CNTN5: variants seen among roughly 807,000 people sequenced by gnomAD.
CNTN5 encodes contactin-5.
In CNTN5, 77 loss-of-function variants were observed where a neutral mutation model predicts 129.1. That is an observed-to-expected ratio of 0.60 (90% CI 0.50 to 0.72). CNTN5 has a LOEUF of 0.72. CNTN5 is among the 30% of genes least tolerant of loss of function. The pLI, the probability that CNTN5 is intolerant of heterozygous loss-of-function variation, is 0.00. For synonymous variants in CNTN5, 509 were observed against 465.6 expected (o/e 1.09, Z -1.20); for missense variants, 1,478 against 1,328.8 (o/e 1.11, Z -1.75).
intron 9 of CNTN5, among the ~76,000 whole-genome samples, chr11:100,018,854 G>A (rs1266156659): frequency 6.6e-6 from 1 of 151,880 alleles, no homozygotes; most frequent in African/African-American, 2.4e-5. Flanking sequence ...CTGTAATTAT[G>A]CCATTTAATA....
chr11:99,587,787 A>C (rs1478967535), intron 3 of CNTN5, among the ~76,000 whole-genome samples: 12 of 152,214 alleles, frequency 7.9e-5, no homozygotes, highest in African/African-American at 2.7e-4. Flanking sequence ...ATTTGCTAGC[A>C]AAACACTTTG....
intron 2 of CNTN5, among the ~76,000 whole-genome samples, chr11:99,403,675 CTT>C (rs1165554538): frequency 4.6e-5 from 7 of 152,036 alleles, no homozygotes; most frequent in African/African-American, 1.7e-4. Context: ...CAAAATTCCT[CTT>C]GTTATTGATT....
intron 6 of CNTN5, among the ~76,000 whole-genome samples, chr11:99,874,345 C>A (rs1948580319): frequency 6.6e-6 from 1 of 152,056 alleles, no homozygotes; most frequent in South Asian, 2.1e-4. Flanking sequence ...TAGGATTTTT[C>A]TGATTAGACA....
rs78628835 is a variant in CNTN5, at chr11:99,840,540, G to C, written c.278-4312G>C. Reference sequence around the variant, plus strand: ...TCTAAGAAAAAAAAAAGCCTCTTGAGTATGACCCTGGCATTTCACAGACAA... The same window carrying C: ...TCTAAGAAAAAAAAAAGCCTCTTGACTATGACCCTGGCATTTCACAGACAA... On this transcript the variant is annotated intron_variant, in intron 4 of 24. Transcript: ENST00000524871. 6.5e-3 allele frequency among the ~76,000 whole-genome samples: 994 copies of C among 151,800 alleles called. 12 individuals carry two copies. Among genetic ancestry groups the C allele is most frequent in the African/African-American group, 0.022 (891 of 41,420 alleles).
chr11:99,186,391 A>G (rs1213674892), intron 1 of CNTN5, among the ~76,000 whole-genome samples: 8 of 151,960 alleles, frequency 5.3e-5, no homozygotes, highest in Admixed American at 5.3e-4. Flanking sequence ...TATTGGGCAC[A>G]GTATTTTCTG....
At chr11:100,084,425 T>A (rs1391604574) in intron 13 of CNTN5, among the ~76,000 whole-genome samples, 4 of 152,132 alleles carry the variant, frequency 2.6e-5, no homozygotes, top group Non-Finnish European at 5.9e-5. Context: ...CGGTCGAGAT[T>A]TTTAGCATCC....
intron 20 of CNTN5, among the ~76,000 whole-genome samples, chr11:100,306,325 C>G (rs1290394544): frequency 6.6e-6 from 1 of 151,578 alleles, no homozygotes; most frequent in African/African-American, 2.4e-5. Context: ...TTGTACAGTA[C>G]TACTGAAAGT....
Position 100,357,572 on chromosome 11 carries a change from A to T in CNTN5, c.*1352A>T, listed in dbSNP as rs1303859741. ...GGCATCATACCCATGAAGATGCGTGAAAGGATAGTTATTGCAAAGTCATAT... is the reference window on the plus strand; with the variant it reads ...GGCATCATACCCATGAAGATGCGTGTAAGGATAGTTATTGCAAAGTCATAT... On this transcript the variant is annotated 3_prime_UTR_variant, in exon 25 of 25. Coordinates refer to ENST00000524871, the MANE Select transcript of CNTN5 (RefSeq NM_014361.4). 6.6e-6 allele frequency: 1 copy of T among 151,822 alleles called. No homozygotes were observed. The highest frequency in any genetic ancestry group is 1.5e-5 in the Non-Finnish European group (1 of 67,816). The allele number at this position is 151,822 out of a possible 1,614,324, so 9.4% of individuals were successfully genotyped here.
intron 1 of CNTN5, among the ~76,000 whole-genome samples, chr11:99,117,440 T>C (rs1479408014): frequency 6.6e-6 from 1 of 152,190 alleles, no homozygotes; most frequent in Non-Finnish European, 1.5e-5. Flanking sequence ...TTTTGAACTT[T>C]ATATAATTTT....
At chr11:100,191,723 T>G (rs1261236297) in intron 14 of CNTN5, among the ~76,000 whole-genome samples, 1 of 152,160 alleles carries the variant, frequency 6.6e-6, no homozygotes, top group East Asian at 1.9e-4. Flanking sequence ...CAGAGCTGTT[T>G]GTTGATGTCT....
intron 2 of CNTN5, among the ~76,000 whole-genome samples, chr11:99,512,244 G>A (rs982298373): frequency 2.6e-5 from 4 of 152,076 alleles, no homozygotes; most frequent in African/African-American, 4.8e-5. Flanking sequence ...AGATACATGC[G>A]TAAGGTTACT....
intron 3 of CNTN5, among the ~76,000 whole-genome samples, chr11:99,660,724 ATATT>A (rs1952564914): frequency 6.6e-6 from 1 of 152,120 alleles, no homozygotes; most frequent in Admixed American, 6.6e-5. Context: ...CCAATGTAAC[ATATT>A]TATTCTTTAG....
chr11:100,181,478 G>A (rs1479610668), intron 13 of CNTN5, among the ~76,000 whole-genome samples: 1 of 151,938 alleles, frequency 6.6e-6, no homozygotes, highest in Non-Finnish European at 1.5e-5. Flanking sequence ...GAATCGGTGG[G>A]TTAGAAATGT....
chr11:99,177,221 C>T (rs1189323059), intron 1 of CNTN5, among the ~76,000 whole-genome samples: 1 of 152,198 alleles, frequency 6.6e-6, no homozygotes. Flanking sequence ...CTCAATACTT[C>T]TGGTCCCTTC....
intron 1 of CNTN5, among the ~76,000 whole-genome samples, chr11:99,232,631 G>C (rs1223420217): frequency 6.6e-6 from 1 of 152,048 alleles, no homozygotes; most frequent in African/African-American, 2.4e-5. Context: ...CTTCCTATTC[G>C]AATGCCCTTT....
intron 4 of CNTN5, among the ~76,000 whole-genome samples, chr11:99,832,567 A>C (rs1947177031): frequency 6.6e-6 from 1 of 152,180 alleles, no homozygotes. Flanking sequence ...TACTTGTTTA[A>C]GTTTCATAAA....
At chr11:99,209,415 A>G (rs1052840543) in intron 1 of CNTN5, among the ~76,000 whole-genome samples, 1 of 152,114 alleles carries the variant, frequency 6.6e-6, no homozygotes, top group Non-Finnish European at 1.5e-5. Context: ...GGGGAGTCAC[A>G]TGGCGAGACC....
chr11:100,044,417 C>T lies in CNTN5; in HGVS notation c.981-16795C>T, dbSNP rs548760884. Reference sequence around the variant, plus strand: ...ATTTGAGAAAACTCCAAACTGTTTTCGATAGAGAATGTGCTAATTTACATT... The same window carrying T: ...ATTTGAGAAAACTCCAAACTGTTTTTGATAGAGAATGTGCTAATTTACATT... On this transcript the variant is annotated intron_variant, in intron 9 of 24. Coordinates refer to ENST00000524871, the MANE Select transcript of CNTN5 (RefSeq NM_014361.4). 3.0e-4 allele frequency among the ~76,000 whole-genome samples: 46 copies of T among 151,894 alleles called. No individual in the cohort carries two copies. The Middle Eastern group carries it at 0.01, about 34-fold the overall frequency.
chr11:99,354,379 G>A (rs1223453342), intron 2 of CNTN5, among the ~76,000 whole-genome samples: 1 of 152,132 alleles, frequency 6.6e-6, no homozygotes, highest in East Asian at 1.9e-4. Context: ...GAGTTCCCGG[G>A]ACCTTGTTTA....
Sources: gnomAD v4.1 joint callset for allele counts (sites outside exome capture counted in the v4.1 genomes callset) on GRCh38, gnomAD v4.1.1 for gene constraint, MANE v1.5 for transcripts, NCBI Gene and HGNC (gene_info 2026-07-23, HGNC 2026-07-21) for gene names.